XIAP: variants seen among roughly 807,000 people sequenced by gnomAD.
XIAP encodes the protein X-linked inhibitor of apoptosis, also known as E3 ubiquitin-protein ligase XIAP.
A neutral mutation model predicts 33.1 loss-of-function variants in XIAP; 3 were observed. The observed-to-expected ratio is 0.09, with a 90% CI of 0.04 to 0.23. The LOEUF (loss-of-function observed/expected upper bound fraction) is 0.23. Among genes scored for constraint, XIAP ranks in the 10% least tolerant of loss-of-function variants. XIAP has a pLI of 1.00. For synonymous variants in XIAP, 98 were observed against 121.3 expected, an observed-to-expected ratio of 0.81 and a Z score of 1.26; for missense variants, 264 against 363.0, an observed-to-expected ratio of 0.73 and a Z score of 2.22.
chrX:123,864,595 T>G (rs929667032), intron 1 of XIAP, among the ~76,000 whole-genome samples: 2 of 107,331 alleles, frequency 1.9e-5, no homozygotes, highest in Admixed American at 2.0e-4. Flanking sequence ...GCCTCTCAAG[T>G]AGCTGGGACT....
chrX:123,876,129 T>C (rs1244320252), intron 1 of XIAP, among the ~76,000 whole-genome samples: 4 of 111,443 alleles, frequency 3.6e-5, no homozygotes, highest in South Asian at 7.5e-4. Context: ...CCCAGTCTGG[T>C]CTTAAATTCC....
intron 6 of XIAP, among the ~76,000 whole-genome samples, chrX:123,902,107 AAC>A (rs1278763584): frequency 8.9e-6 from 1 of 112,267 alleles, no homozygotes; most frequent in Non-Finnish European, 1.9e-5. Context: ...CTGCATCTTA[AAC>A]ACGCGCTTAA....
chrX:123,867,043 C>CG (rs2148071616), intron 1 of XIAP, among the ~76,000 whole-genome samples: 2 of 73,359 alleles, frequency 2.7e-5, no homozygotes, highest in African/African-American at 1.0e-4. Flanking sequence ...TTAATCCCCC[C>CG]CCCCCCTTCA....
intron 1 of XIAP, among the ~76,000 whole-genome samples, chrX:123,876,637 C>T (rs2053247232): frequency 9.0e-6 from 1 of 110,521 alleles, no homozygotes; most frequent in Admixed American, 9.8e-5. Context: ...CCCAGGAGGT[C>T]GAGGTTACAG....
At chrX:123,873,649 G>A (rs975272582) in intron 1 of XIAP, among the ~76,000 whole-genome samples, 10 of 110,158 alleles carry the variant, frequency 9.1e-5, no homozygotes, top group South Asian at 3.9e-4. Context: ...TCAGCCAGGC[G>A]TCGTGGCGGC....
intron 1 of XIAP, among the ~76,000 whole-genome samples, chrX:123,885,309 T>G (rs941700150): frequency 1.8e-5 from 2 of 112,194 alleles, no homozygotes; most frequent in Admixed American, 9.6e-5. Context: ...TCCTAATTAA[T>G]GATTTGACAT....
chrX:123,893,075 C>T (rs373907594), intron 5 of XIAP, among the ~76,000 whole-genome samples: 2 of 109,260 alleles, frequency 1.8e-5, no homozygotes, highest in South Asian at 4.0e-4. Flanking sequence ...CCGCCTCGGC[C>T]TTCCAAAGTG....
At position 123,886,306 on chromosome X, in the gene XIAP, G is replaced by A. The variant is rs947711542; in HGVS notation, c.644G>A (p.Arg215His). Residue 215 changes from arginine to histidine, a missense_variant, in exon 2 of 7, where the codon CGT (arginine) becomes CAT (histidine). Transcript: ENST00000371199. ...GKLKNWEPCD[R>H]AWSEHRRHFP... ...CTGAAAAATTGGGAACCTTGTGATC[G>A]TGCCTGGTCAGAACACAGGCGACAC... 6 of 1,211,879 alleles carry A rather than the reference G, an allele frequency of 5.0e-6. No individual in the cohort carries two copies. The highest frequency in any genetic ancestry group is 5.6e-6 in the Non-Finnish European group (5 of 895,586).
chrX:123,889,997 A>AATTTTTTTT (rs2053389824), intron 3 of XIAP, among the ~76,000 whole-genome samples: 3 of 33,072 alleles, frequency 9.1e-5, no homozygotes, highest in African/African-American at 4.0e-4. Context: ...AGTTGTTCAC[A>AATTTTTTTT]TTTTTTTTTT....
intron 1 of XIAP, among the ~76,000 whole-genome samples, chrX:123,878,398 TC>T (rs1283274220): frequency 2.7e-5 from 3 of 111,526 alleles, no homozygotes; most frequent in East Asian, 5.6e-4. Context: ...ACTTCCTATT[TC>T]CCCCTCCCCA....
At chrX:123,880,439 TAA>T (rs35181194) in intron 1 of XIAP, among the ~76,000 whole-genome samples, 31 of 80,936 alleles carry the variant, frequency 3.8e-4, no homozygotes, top group Middle Eastern at 7.7e-3. Context: ...AAAACCCTAA[TAA>T]AAAAAAAAAA....
Position 123,913,153 on chromosome X carries a change from A to G in XIAP, c.*5972A>G. The G allele has an allele frequency of 3.0e-6, 1 of 329,004 alleles. No individual in the cohort carries two copies. The highest frequency in any genetic ancestry group is 2.6e-5 in the South Asian group (1 of 38,449). 27.1% of individuals were successfully genotyped at this position (329,004 alleles called of 1,213,427 possible). A position where few individuals can be genotyped will look rare whatever the true frequency, so the allele number is the denominator to read the frequency against. ...GTCGTGAAACCAAAACCCCAGGGAT[A>G]GCAAGGGACAATTGTATCTTCAAAG... On this transcript the variant is annotated 3_prime_UTR_variant, in exon 7 of 7. Coordinates refer to ENST00000371199, the MANE Select transcript of XIAP (RefSeq NM_001167.4).
In XIAP at chrX:123,912,216, G is replaced by GAAAAAAAAAAAAAAAAACAAAAAAA; in HGVS notation, c.*5047_*5048insAAAAACAAAAAAAAAAAAAAAAAAA. The GAAAAAAAAAAAAAAAAACAAAAAAA allele has an allele frequency of 1.4e-5, 3 of 207,682 alleles. No individual in the cohort carries two copies. The highest frequency in any genetic ancestry group is 8.7e-6 in the Non-Finnish European group (1 of 114,933). The allele number at this position is 207,682 out of a possible 1,213,427, so 17.1% of individuals were successfully genotyped here. A position where few individuals can be genotyped will look rare whatever the true frequency, so the allele number is the denominator to read the frequency against. ...ACCAAGGAGGAATTGAAAACACTGAGAAAAAAAAAAAAGACCACACAATAA... is the reference window on the plus strand; with the variant it reads ...ACCAAGGAGGAATTGAAAACACTGAGAAAAAAAAAAAAAAAAACAAAAAAAAAAAAAAAAAAAGACCACACAATAA... On this transcript the variant is annotated 3_prime_UTR_variant, in exon 7 of 7. Transcript: ENST00000371199.
chrX:123,899,920 A>G (rs1222625720), intron 5 of XIAP, among the ~76,000 whole-genome samples: 1 of 111,262 alleles, frequency 9.0e-6, no homozygotes. Context: ...AGAGGGTATA[A>G]GTGTCCTCTC....
intron 3 of XIAP, among the ~76,000 whole-genome samples, chrX:123,888,962 A>G (rs762465724): frequency 1.8e-5 from 2 of 110,660 alleles, no homozygotes; most frequent in African/African-American, 6.6e-5. Context: ...TCTCTTTTGC[A>G]GGCTGGAGTG....
At position 123,910,988 on chromosome X, in the gene XIAP, T is replaced by C. The variant is rs978576486; in HGVS notation, c.*3807T>C. On this transcript the variant is annotated 3_prime_UTR_variant, in exon 7 of 7. Coordinates refer to ENST00000371199, the MANE Select transcript of XIAP (RefSeq NM_001167.4). ...TTCATCTGTGAAAGGAAAATAATACTTATCTTACAAGGTTGCAAGAGCTCA... is the reference window on the plus strand; with the variant it reads ...TTCATCTGTGAAAGGAAAATAATACCTATCTTACAAGGTTGCAAGAGCTCA... 72 of 327,061 alleles carry C rather than the reference T, an allele frequency of 2.2e-4. No homozygotes were observed. Among genetic ancestry groups the C allele is most frequent in the Non-Finnish European group, 3.6e-4 (61 of 169,590 alleles). The allele number at this position is 327,061 out of a possible 1,213,427, so 27.0% of individuals were successfully genotyped here.
At chrX:123,897,814 C>G (rs1036171015) in intron 5 of XIAP, among the ~76,000 whole-genome samples, 3 of 112,435 alleles carry the variant, frequency 2.7e-5, no homozygotes, top group African/African-American at 9.7e-5. Flanking sequence ...CCACCTCAGC[C>G]TCCCAAAGTG....
intron 6 of XIAP, among the ~76,000 whole-genome samples, chrX:123,905,059 A>G (rs970961476): frequency 1.8e-5 from 2 of 111,767 alleles, no homozygotes; most frequent in African/African-American, 6.5e-5. Flanking sequence ...AGTTTTTATT[A>G]TGCCCAAGAG....
intron 1 of XIAP, among the ~76,000 whole-genome samples, chrX:123,869,690 A>G (rs751493218): frequency 9.0e-6 from 1 of 111,577 alleles, no homozygotes; most frequent in African/African-American, 3.3e-5. Flanking sequence ...CCTTGTAGTA[A>G]TTTCCTTAGA....
Sources: allele counts gnomAD v4.1 joint callset (sites outside exome capture counted in the v4.1 genomes callset), GRCh38; gene constraint gnomAD v4.1.1; transcripts MANE v1.5; gene names NCBI Gene and HGNC (gene_info 2026-07-23, HGNC 2026-07-21).